The following PPFIA3 variants were observed in gnomAD, a reference collection of about 807,000 sequenced individuals.
The protein encoded by PPFIA3 is PPFI scaffold protein A3.
A neutral mutation model predicts 145.8 loss-of-function variants in PPFIA3; 26 were observed. The ratio of observed to expected loss-of-function variants is 0.18; its 90% CI spans 0.13 to 0.25. The LOEUF (loss-of-function observed/expected upper bound fraction) is 0.25, where lower values mean the gene tolerates loss of function less well. Ranked by LOEUF, PPFIA3 falls within the 10% of genes least tolerant of loss-of-function variation. The probability of loss-of-function intolerance (pLI) is 1.00; values close to 1 mark genes in which losing one functional copy is unlikely to be tolerated. For synonymous variants in PPFIA3, 645 were observed against 661.4 expected (o/e 0.98, Z 0.38); for missense variants, 1,008 against 1,587.8 (o/e 0.63, Z 6.21).
intron 1 of PPFIA3, among the ~76,000 whole-genome samples, chr19:49,124,941 C>T (rs1182337556): frequency 6.6e-6 from 1 of 152,124 alleles, no homozygotes; most frequent in African/African-American, 2.4e-5. Context: ...GCGGCACGAG[C>T]CTGTAGTCGC....
At position 49,146,311 on chromosome 19, in the gene PPFIA3, C is replaced by G. The variant is rs562068856; in HGVS notation, c.2835+119C>G. On this transcript the variant is annotated intron_variant, in intron 23 of 29. Transcript: ENST00000334186. Reference sequence around the variant, plus strand: ...ACATGCCATCATCCCCATGGGGGGGCGCTGCGCCAAGCTTGGCTCTGGACT... The same window carrying G: ...ACATGCCATCATCCCCATGGGGGGGGGCTGCGCCAAGCTTGGCTCTGGACT... 1.1e-4 allele frequency: 145 copies of G among 1,301,690 alleles called. 1 individual carries two copies. The highest frequency in any genetic ancestry group is 5.3e-6 in the Non-Finnish European group (5 of 940,250). 80.6% of individuals were successfully genotyped at this position (1,301,690 alleles called of 1,614,324 possible).
intron 7 of PPFIA3, 143 bp from the exon 8 acceptor site, chr19:49,132,858 G>C: frequency 9.6e-7 from 1 of 1,043,046 alleles, no homozygotes; most frequent in South Asian, 1.6e-5. Flanking sequence ...CTTAAGATGG[G>C]CTAGTCCTGG....
intron 7 of PPFIA3, among the ~76,000 whole-genome samples, chr19:49,132,423 A>AAAG (rs1568436284): frequency 6.7e-6 from 1 of 149,226 alleles, no homozygotes; most frequent in African/African-American, 2.5e-5. Context: ...AAAAAAAAGA[A>AAAG]AGAGAGAGAG....
At chr19:49,121,636 C>T (rs982925746) in intron 1 of PPFIA3, among the ~76,000 whole-genome samples, 6 of 151,872 alleles carry the variant, frequency 4.0e-5, no homozygotes, top group Admixed American at 1.3e-4. Context: ...ATTAGCCAGG[C>T]GTGGTGGCAC....
Position 49,149,916 on chromosome 19 carries a change from C to A in PPFIA3, c.3527-164C>A. On this transcript the variant is annotated intron_variant, in intron 28 of 29. Transcript: ENST00000334186. This position sits in a 1 kb window ranked among gnomAD's most constrained non-coding sequence, Gnocchi z 5.7. ...CCCCTTCCCAGGGCGGGAGTGAACT[C>A]GCCCAATGCGAGTTTGAGTCCTTGG... 8.9e-7 allele frequency: 1 copy of A among 1,123,502 alleles called. No individual in the cohort carries two copies. The highest frequency in any genetic ancestry group is 1.3e-6 in the Non-Finnish European group (1 of 796,704). The allele number at this position is 1,123,502 out of a possible 1,614,324, so 69.6% of individuals were successfully genotyped here. A position where few individuals can be genotyped will look rare whatever the true frequency, so the allele number is the denominator to read the frequency against.
At chr19:49,127,741 T>G in intron 1 of PPFIA3, 118 bp from the exon 2 acceptor site, 4 of 1,214,858 alleles carry the variant, frequency 3.3e-6, no homozygotes, top group Non-Finnish European at 4.5e-6. Flanking sequence ...GTTTCTTCTG[T>G]GCAGTGCTTG....
Position 49,150,374 on chromosome 19 carries a change from C to A in PPFIA3, c.*152C>A, listed in dbSNP as rs368676004. On this transcript the variant is annotated 3_prime_UTR_variant, in exon 30 of 30. Coordinates refer to ENST00000334186, the MANE Select transcript of PPFIA3 (RefSeq NM_003660.4). ...ATCTGTACAGACCAGCGGGAGTGCG[C>A]GCGCCCGCCTCGCACAGGGCCGGGG... The A allele has an allele frequency of 2.3e-4, 105 of 466,484 alleles. 1 individual carries two copies. The South Asian group carries it at 3.4e-3, about 15-fold the overall frequency. The allele number at this position is 466,484 out of a possible 1,614,324, so 28.9% of individuals were successfully genotyped here. A position where few individuals can be genotyped will look rare whatever the true frequency, so the allele number is the denominator to read the frequency against.
chr19:49,141,583 C>CATGT lies in PPFIA3; in HGVS notation c.2462+70_2462+71insATGT, dbSNP rs1555744492. On this transcript the variant is annotated intron_variant, in intron 19 of 29. Transcript: ENST00000334186. ...GAGAGTGTGTGAGGGTGTGTGTGTG[C>CATGT]GTGTATGTGTGTGTATGAGTGTGTG... 4.1e-5 allele frequency: 50 copies of CATGT among 1,218,998 alleles called. No homozygotes were observed. The African/African-American group carries it at 5.9e-4, about 14-fold the overall frequency. 75.5% of individuals were successfully genotyped at this position (1,218,998 alleles called of 1,614,324 possible). A position where few individuals can be genotyped will look rare whatever the true frequency, so the allele number is the denominator to read the frequency against.
At chr19:49,134,231 G>T (rs1300034929) in intron 11 of PPFIA3, 66 bp downstream of exon 11, 2 of 1,536,842 alleles carry the variant, frequency 1.3e-6, no homozygotes, top group Non-Finnish European at 1.7e-6. Flanking sequence ...GAATCCTGGG[G>T]CCCCAGGCCT....
rs991892877 is a variant in PPFIA3, at chr19:49,130,280, A to T, written c.658-98A>T. On this transcript the variant is annotated intron_variant, in intron 6 of 29. Transcript: ENST00000334186. This position sits in a 1 kb window ranked among gnomAD's most constrained non-coding sequence, Gnocchi z 4.5. ...ACTCTGACCAGCATGATCCTTATTG[A>T]TCTTTGATCTACTTTCAGCTGATTG... 1.6e-6 allele frequency: 2 copies of T among 1,286,440 alleles called. No homozygotes were observed. Among genetic ancestry groups the T allele is most frequent in the Non-Finnish European group, 2.1e-6 (2 of 935,756 alleles). The allele number at this position is 1,286,440 out of a possible 1,614,324, so 79.7% of individuals were successfully genotyped here.
chr19:49,136,332 C>T (rs2041136791), intron 14 of PPFIA3, among the ~76,000 whole-genome samples: 1 of 152,158 alleles, frequency 6.6e-6, no homozygotes, highest in Admixed American at 6.5e-5. Flanking sequence ...CAGGGTGGCC[C>T]ATGCCTGTAA....
At position 49,128,133 on chromosome 19, in the gene PPFIA3, G is replaced by T. The variant is rs549385917; in HGVS notation, c.240+20G>T. On this transcript the variant is annotated intron_variant, in intron 2 of 29. Coordinates refer to ENST00000334186, the MANE Select transcript of PPFIA3 (RefSeq NM_003660.4). This position sits in a 1 kb window ranked among gnomAD's most constrained non-coding sequence, Gnocchi z 4.1. ...CCCCAGGTCTGGGCGGGACAGGGGC[G>T]GGGCATGAGGGGGCGGGGCCTCGGG... 1.5e-5 allele frequency: 22 copies of T among 1,491,720 alleles called. No homozygotes were observed. The South Asian group carries it at 2.3e-4, about 16-fold the overall frequency. 92.4% of individuals were successfully genotyped at this position (1,491,720 alleles called of 1,614,324 possible).
Position 49,129,197 on chromosome 19 carries a change from C to T in PPFIA3, c.508-183C>T, listed in dbSNP as rs113149226. Among the ~76,000 whole-genome samples, 578 of 152,290 alleles carry T rather than the reference C, an allele frequency of 3.8e-3. 4 individuals carry two copies. Among genetic ancestry groups the T allele is most frequent in the African/African-American group, 0.012 (494 of 41,558 alleles). On this transcript the variant is annotated intron_variant, in intron 4 of 29. Coordinates refer to ENST00000334186, the MANE Select transcript of PPFIA3 (RefSeq NM_003660.4). ...ACTGGTTGATAGCAGAAAAATAAAC[C>T]AGGATGGGGGCTAACAGTGGATGGG...
Position 49,145,969 on chromosome 19 carries a change from CGAG to C in PPFIA3, c.2776_2778del (p.Glu926del), listed in dbSNP as rs753742478. 6.2e-7 allele frequency: 1 copy of C among 1,613,980 alleles called. No individual in the cohort carries two copies. The highest frequency in any genetic ancestry group is 8.5e-7 in the Non-Finnish European group (1 of 1,179,968). Reference sequence around the variant, plus strand: ...CCACAGGAAACGTGTGGATGACACACGAGGAGATGGAGTCCCTTACGGCCACGA... The same window carrying C: ...CCACAGGAAACGTGTGGATGACACACGAGATGGAGTCCCTTACGGCCACGA... On this transcript the variant is annotated inframe_deletion, in exon 22 of 30. Coordinates refer to ENST00000334186, the MANE Select transcript of PPFIA3 (RefSeq NM_003660.4).
chr19:49,138,115 C>T, intron 15 of PPFIA3, 90 bp from the exon 16 acceptor site: 1 of 1,430,732 alleles, frequency 7.0e-7, no homozygotes, highest in Non-Finnish European at 9.2e-7. Context: ...CATTGCCCCA[C>T]CAGGCCTTTC....
chr19:49,136,637 T>C, intron 14 of PPFIA3, 87 bp from the exon 15 acceptor site: 1 of 863,078 alleles, frequency 1.2e-6, no homozygotes, highest in Non-Finnish European at 1.6e-6. Context: ...ATCAGTGAGG[T>C]CGGGCAAGTC....
intron 1 of PPFIA3, chr19:49,125,453 G>A (rs1210463987): frequency 1.3e-5 from 2 of 152,308 alleles, no homozygotes; most frequent in African/African-American, 4.8e-5. Flanking sequence ...GTGTGTGGAG[G>A]GAGCGGTTCA....
intron 15 of PPFIA3, 107 bp downstream of exon 15, chr19:49,137,018 C>T: frequency 9.1e-7 from 1 of 1,098,054 alleles, no homozygotes; most frequent in Non-Finnish European, 1.2e-6. Flanking sequence ...CTTACACCAT[C>T]CACAAGGAAT....
chr19:49,149,456 A>C lies in PPFIA3; in HGVS notation c.3355-91A>C. The C allele has an allele frequency of 6.3e-7, 1 of 1,585,102 alleles. No individual in the cohort carries two copies. The highest frequency in any genetic ancestry group is 8.6e-7 in the Non-Finnish European group (1 of 1,156,890). Reference sequence around the variant, plus strand: ...CAGGAGAGGGGCGGGGTTAAAGGAGAGGTGAGACCCGGAGAGGGGTGGAGT... The same window carrying C: ...CAGGAGAGGGGCGGGGTTAAAGGAGCGGTGAGACCCGGAGAGGGGTGGAGT... On this transcript the variant is annotated intron_variant, in intron 27 of 29. Coordinates refer to ENST00000334186, the MANE Select transcript of PPFIA3 (RefSeq NM_003660.4). This position sits in a 1 kb window ranked among gnomAD's most constrained non-coding sequence, Gnocchi z 5.7.
Sources: gnomAD v4.1 joint callset for allele counts (sites outside exome capture counted in the v4.1 genomes callset) on GRCh38, gnomAD v4.1.1 for gene constraint, Gnocchi (gnomAD v3.1) non-coding constraint, MANE v1.5 for transcripts, NCBI Gene and HGNC (gene_info 2026-07-23, HGNC 2026-07-21) for gene names.